CCDC9: variants seen among roughly 807,000 people sequenced by gnomAD.
CCDC9 encodes the protein coiled-coil domain containing 9.
In CCDC9, 52 loss-of-function variants were observed where a neutral mutation model predicts 65.6. That is an observed-to-expected ratio of 0.79 (90% CI 0.63 to 1.00). The LOEUF is 1.00. Ranked by LOEUF, CCDC9 falls within the 50% of genes least tolerant of loss-of-function variation. CCDC9 has a pLI of 0.00. For missense variants in CCDC9, 834 were observed against 757.2 expected (o/e 1.10, Z -1.19); for synonymous variants, 332 against 280.3 (o/e 1.18, Z -1.84).
chr19:47,264,850 T>C lies in CCDC9; in HGVS notation c.624T>C (p.Ser208=). ...PRRRSGPLEE[S]ERDRREESRR... ...GACGCAGCGGGCCCCTGGAGGAGTC[T>C]GAGCGGGACCGCCGGGAGGAGAGCC... The change falls in exon 7 of 12, where the codon TCT becomes TCC. Residue 208 remains serine (S), a synonymous_variant. Coordinates refer to ENST00000221922, the MANE Select transcript of CCDC9 (RefSeq NM_015603.3). 6.6e-7 allele frequency: 1 copy of C among 1,519,606 alleles called. No homozygotes were observed. The highest frequency in any genetic ancestry group is 1.3e-5 in the South Asian group (1 of 77,346). 94.1% of individuals were successfully genotyped at this position (1,519,606 alleles called of 1,614,324 possible).
chr19:47,265,814 A>G (rs1048342529), intron 7 of CCDC9, among the ~76,000 whole-genome samples: 7 of 148,980 alleles, frequency 4.7e-5, no homozygotes, highest in African/African-American at 1.5e-4. Flanking sequence ...CAGCCTCCCC[A>G]GTAGCTGGGA....
chr19:47,275,249 G>T, downstream of CCDC9: 1 of 1,538,452 alleles, frequency 6.5e-7, no homozygotes, highest in African/African-American at 1.4e-5. Context: ...TCCAGCTGCC[G>T]CTGAGCCGCC....
intron 5 of CCDC9, 62 bp downstream of exon 5, chr19:47,260,901 T>A (rs1014469124): frequency 1.7e-5 from 26 of 1,560,966 alleles, no homozygotes; most frequent in Non-Finnish European, 2.2e-5. Flanking sequence ...TTCTGTTTTT[T>A]CCTCCTCTCA....
At position 47,258,552 on chromosome 19, in the gene CCDC9, G is replaced by A. The variant is rs2059025897; in HGVS notation, c.4-7G>A. On this transcript the variant is annotated splice_polypyrimidine_tract_variant and splice_region_variant and intron_variant, in intron 2 of 11. Transcript: ENST00000221922. ...CCTTCCATCCCTCAACTGCCTCCCG[G>A]TCTCAGGCAGCCACACTCGATTTGA... is the stretch of plus-strand genomic sequence containing the variant. The A allele has an allele frequency of 6.2e-7, 1 of 1,612,928 alleles. No homozygotes were observed. The highest frequency in any genetic ancestry group is 1.7e-5 in the Admixed American group (1 of 60,004).
At chr19:47,268,672 C>G (rs751660243) in intron 8 of CCDC9, among the ~76,000 whole-genome samples, 9 of 152,038 alleles carry the variant, frequency 5.9e-5, no homozygotes, top group Non-Finnish European at 1.2e-4. Flanking sequence ...AATCCCAGCA[C>G]TTTGGGAGGC....
chr19:47,264,743 C>T (rs765257262), intron 6 of CCDC9, 30 bp from the exon 7 acceptor site: 26 of 1,603,964 alleles, frequency 1.6e-5, no homozygotes, highest in South Asian at 1.1e-4. Context: ...GCGGGGAGCC[C>T]GCGCCAACCC....
chr19:47,273,269 G>A (rs1475393705), downstream of CCDC9: 4 of 777,210 alleles, frequency 5.1e-6, no homozygotes, highest in Non-Finnish European at 7.0e-6. Flanking sequence ...CTGGATGAGA[G>A]ACGTGGCTAG....
At chr19:47,260,882 G>T in intron 5 of CCDC9, 43 bp downstream of exon 5, 1 of 1,579,676 alleles carries the variant, frequency 6.3e-7, no homozygotes, top group South Asian at 1.2e-5. Flanking sequence ...GAGGTTCTCT[G>T]TTGTCTGTTT....
At chr19:47,257,024 G>T (rs2059014400) in intron 1 of CCDC9, among the ~76,000 whole-genome samples, 1 of 151,704 alleles carries the variant, frequency 6.6e-6, no homozygotes, top group South Asian at 2.1e-4. Flanking sequence ...GGCGGGGGCG[G>T]GGCCACAATG....
rs1289982086 is a variant in CCDC9 at position 47,258,364 on chromosome 19, A to G, written c.-37A>G. On this transcript the variant is annotated 5_prime_UTR_variant, in exon 2 of 12. Coordinates refer to ENST00000221922, the MANE Select transcript of CCDC9 (RefSeq NM_015603.3). ...GTGCTGCGTCTAGATTCTGCAGGGG[A>G]GGTTTGCTGGGACCTTGGCTCCACG... is the stretch of plus-strand genomic sequence containing the variant. 6.2e-7 allele frequency: 1 copy of G among 1,612,144 alleles called. No homozygotes were observed. The highest frequency in any genetic ancestry group is 1.7e-5 in the Admixed American group (1 of 59,924).
chr19:47,262,210 CTTTTTT>C (rs60699350), intron 5 of CCDC9, among the ~76,000 whole-genome samples: 1 of 111,978 alleles, frequency 8.9e-6, no homozygotes, highest in Non-Finnish European at 1.8e-5. Flanking sequence ...CAGGTTCCTG[CTTTTTT>C]TTTTTTTTTT....
At chr19:47,270,244 C>T (rs950791749) in intron 8 of CCDC9, among the ~76,000 whole-genome samples, 163 bp from the exon 9 acceptor site, 11 of 152,164 alleles carry the variant, frequency 7.2e-5, no homozygotes, top group Admixed American at 2.6e-4. Context: ...GCGGGGATTA[C>T]AGGCTTGAGC....
chr19:47,266,455 G>A, intron 7 of CCDC9, 156 bp from the exon 8 acceptor site: 1 of 1,133,500 alleles, frequency 8.8e-7, no homozygotes, highest in East Asian at 2.9e-5. Context: ...ATCTGAGAGG[G>A]CCTCTGTGAG....
chr19:47,271,688 C>CCTCT lies in CCDC9; in HGVS notation c.*12_*13insCTCT, dbSNP rs752831181. The stretch of plus-strand genomic sequence containing the variant: ...TTTTGAGAGTGTATGAAGCTGGCTG[C>CCTCT]CTGTGTGTGTGTGTGTGTGTGTGTG... On this transcript the variant is annotated 3_prime_UTR_variant, in exon 12 of 12. Coordinates refer to ENST00000221922, the MANE Select transcript of CCDC9 (RefSeq NM_015603.3). 8 of 1,367,642 alleles carry CCTCT rather than the reference C, an allele frequency of 5.8e-6. No individual in the cohort carries two copies. The African/African-American group carries it at 1.1e-4, about 19-fold the overall frequency. The allele number at this position is 1,367,642 out of a possible 1,614,324, so 84.7% of individuals were successfully genotyped here.
In CCDC9 at chr19:47,260,325, T is replaced by C. The variant is rs904345185; in HGVS notation, c.113T>C (p.Ile38Thr). ...NEALIRRYQEIEEDRKKAELE... is the reference protein window; with the variant it reads ...NEALIRRYQETEEDRKKAELE... ...ACCCCGGCTGTCTGCTCCTAGGAGA[T>C]TGAGGAAGACCGTAAGAAAGCTGAA... The change falls in exon 4 of 12, where the codon ATT becomes ACT. Residue 38 changes from isoleucine (I) to threonine (T), a missense_variant. Ile to Thr is a moderately conservative substitution (Grantham distance 89, BLOSUM62 -1). Transcript: ENST00000221922. 3 of 1,584,982 alleles carry C rather than the reference T, an allele frequency of 1.9e-6. No homozygotes were observed. The highest frequency in any genetic ancestry group is 2.6e-6 in the Non-Finnish European group (3 of 1,165,014).
chr19:47,265,179 C>G (rs937268263), intron 7 of CCDC9, among the ~76,000 whole-genome samples: 1 of 152,060 alleles, frequency 6.6e-6, no homozygotes, highest in South Asian at 2.1e-4. Flanking sequence ...CTCAGCCTCC[C>G]GAGTAGCTGG....
downstream of CCDC9, among the ~76,000 whole-genome samples, chr19:47,272,933 A>T (rs1251134644): frequency 6.6e-6 from 1 of 151,672 alleles, no homozygotes; most frequent in Non-Finnish European, 1.5e-5. Flanking sequence ...TTGGGGGCAG[A>T]GCCAAGGAAG....
intron 1 of CCDC9, among the ~76,000 whole-genome samples, chr19:47,257,307 G>A (rs2059016818): frequency 6.6e-6 from 1 of 151,544 alleles, no homozygotes; most frequent in African/African-American, 2.4e-5. Flanking sequence ...GGCGGGGCTG[G>A]AATAATAATA....
intron 5 of CCDC9, among the ~76,000 whole-genome samples, chr19:47,261,497 G>T (rs1352736923): frequency 6.6e-6 from 1 of 152,068 alleles, no homozygotes; most frequent in Non-Finnish European, 1.5e-5. Flanking sequence ...ACCTGGCCTT[G>T]GGCAGCTCAC....
Sources: allele counts gnomAD v4.1 joint callset (sites outside exome capture counted in the v4.1 genomes callset), GRCh38; gene constraint gnomAD v4.1.1; transcripts MANE v1.5; gene names NCBI Gene and HGNC (gene_info 2026-07-23, HGNC 2026-07-21).